Variants in PRC1 observed in about 807,000 individuals in gnomAD.
The protein encoded by PRC1 is protein regulator of cytokinesis 1, also known as anaphase spindle elongation 1 homolog.
Under a neutral mutation model 91.2 loss-of-function variants are expected in PRC1, and 54 were observed. The observed-to-expected ratio is 0.59, with a 90% confidence interval of 0.48 to 0.74. The LOEUF (loss-of-function observed/expected upper bound fraction) is 0.74. PRC1 is among the 30% of genes least tolerant of loss of function. PRC1 has a pLI of 0.00. For missense variants in PRC1, 727 were observed against 746.2 expected, an observed-to-expected ratio of 0.97 and a Z score of 0.30; for synonymous variants, 275 against 263.6, an observed-to-expected ratio of 1.04 and a Z score of -0.42.
chr15:90,986,056 G>GT (rs2039552652), intron 1 of PRC1: 1 of 152,202 alleles, frequency 6.6e-6, no homozygotes, highest in African/African-American at 2.4e-5. Context: ...TTAAGTGTTG[G>GT]TGAGTATATA....
At position 90,984,769 on chromosome 15, in the gene PRC1, C is replaced by T. The variant is rs139670079; in HGVS notation, c.68G>A (p.Arg23Gln). ...AATCCCAATTAGCTCCCATATTTCC[C>T]GAAGGTGATTTAGGGCTTTCTGCAG... ...VCLQKALNHL[R>Q]EIWELIGIPE... Residue 23 changes from arginine to glutamine, a missense_variant, in exon 2 of 15, where the codon CGG becomes CAG. Coordinates refer to ENST00000394249, the MANE Select transcript of PRC1 (RefSeq NM_003981.4). The surrounding 1 kb of genome is among the most constrained non-coding windows in gnomAD (Gnocchi z 5.1). The T allele has an allele frequency of 5.9e-5, 96 of 1,613,956 alleles. No homozygotes were observed. The highest frequency in any genetic ancestry group is 7.6e-5 in the Non-Finnish European group (90 of 1,180,036).
At chr15:90,991,439 T>C (rs1270371505) in intron 1 of PRC1, among the ~76,000 whole-genome samples, 1 of 151,242 alleles carries the variant, frequency 6.6e-6, no homozygotes, top group African/African-American at 2.4e-5. Context: ...AAAAAAGAAA[T>C]AAAAATTTTA....
intron 8 of PRC1, among the ~76,000 whole-genome samples, chr15:90,978,767 A>AAAAAG (rs2038949223): frequency 6.7e-6 from 1 of 149,620 alleles, no homozygotes; most frequent in South Asian, 2.1e-4. Context: ...AAAAAAAAAA[A>AAAAAG]AAAAAAAAAA....
In PRC1 at chr15:90,976,753, T is replaced by C. The variant is rs1420916014; in HGVS notation, c.1126A>G (p.Asn376Asp). 1 of 1,613,136 alleles carries C rather than the reference T, an allele frequency of 6.2e-7. No individual in the cohort carries two copies. The highest frequency in any genetic ancestry group is 1.3e-5 in the African/African-American group (1 of 74,914). Residue 376 changes from asparagine to aspartate, a missense_variant, in exon 9 of 15, where the codon AAT (asparagine) becomes GAT (aspartate). By Grantham distance (23) the Asn-to-Asp change is conservative. Transcript: ENST00000394249. ...LEFERKASDP[N>D]RFTNRGGNLL... ...TTTCCTCCTCGGTTTGTAAATCGAT[T>C]TGGATCTGAAGCTTTTCTCTGTGAA...
chr15:90,975,255 G>C (rs1012932881), intron 9 of PRC1, among the ~76,000 whole-genome samples: 14 of 152,072 alleles, frequency 9.2e-5, no homozygotes, highest in African/African-American at 3.1e-4. Flanking sequence ...ACAGGCATAC[G>C]CCACACCTGG....
At position 90,994,457 on chromosome 15, in the gene PRC1, T is replaced by G; in HGVS notation, c.-40A>C. ...GCAGCCGTGAGTCCAGGTCCAGACC[T>G]ACTCCACACGGCCCCGAGAGCAACA... On this transcript the variant is annotated 5_prime_UTR_variant, in exon 1 of 15. Coordinates refer to ENST00000394249, the MANE Select transcript of PRC1 (RefSeq NM_003981.4). 6.2e-7 allele frequency: 1 copy of G among 1,601,742 alleles called. No individual in the cohort carries two copies. Among genetic ancestry groups the G allele is most frequent in the Non-Finnish European group, 8.5e-7 (1 of 1,173,388 alleles).
intron 8 of PRC1, among the ~76,000 whole-genome samples, chr15:90,976,987 G>A (rs1012960535): frequency 1.6e-4 from 24 of 152,078 alleles, no homozygotes; most frequent in East Asian, 3.9e-4. Flanking sequence ...AAAAATTAGC[G>A]AGCATGACGG....
chr15:90,981,493 C>T lies in PRC1; in HGVS notation c.672+6G>A. The T allele has an allele frequency of 6.2e-7, 1 of 1,613,602 alleles. No homozygotes were observed. The highest frequency in any genetic ancestry group is 8.5e-7 in the Non-Finnish European group (1 of 1,180,008). ...GATCCTAGGGCATAATTTGAGAAGACAGTACCTGCCGTAGCAACTTTTGTA... is the reference window on the plus strand; with the variant it reads ...GATCCTAGGGCATAATTTGAGAAGATAGTACCTGCCGTAGCAACTTTTGTA... On this transcript the variant is annotated splice_donor_region_variant and intron_variant, in intron 5 of 14. Coordinates refer to ENST00000394249, the MANE Select transcript of PRC1 (RefSeq NM_003981.4).
In PRC1 at chr15:90,984,584, TG is replaced by T; in HGVS notation, c.144+108del. 1.4e-6 allele frequency: 2 copies of T among 1,459,064 alleles called. No individual in the cohort carries two copies. The highest frequency in any genetic ancestry group is 1.9e-6 in the Non-Finnish European group (2 of 1,079,774). 90.4% of individuals were successfully genotyped at this position (1,459,064 alleles called of 1,614,324 possible). ...CAAACCAAACCAAACAGGAAGAGCC[TG>T]TGCTATCCTAATGCCGATGATCACA... On this transcript the variant is annotated intron_variant, in intron 2 of 14. Coordinates refer to ENST00000394249, the MANE Select transcript of PRC1 (RefSeq NM_003981.4). The surrounding 1 kb of genome is among the most constrained non-coding windows in gnomAD (Gnocchi z 5.1).
chr15:90,970,308 C>A, intron 12 of PRC1, 96 bp downstream of exon 12: 2 of 907,886 alleles, frequency 2.2e-6, no homozygotes, highest in Non-Finnish European at 1.8e-6. Flanking sequence ...AGAACCAAAT[C>A]CAGGGATCTT....
intron 3 of PRC1, among the ~76,000 whole-genome samples, chr15:90,982,918 T>C (rs2039315335): frequency 6.6e-6 from 1 of 151,124 alleles, no homozygotes. Flanking sequence ...CCTAACTGGT[T>C]AACAAGAAAA....
Position 90,976,749 on chromosome 15 carries a change from C to A in PRC1, c.1130G>T (p.Arg377Leu). 2 of 1,613,188 alleles carry A rather than the reference C, an allele frequency of 1.2e-6. No individual in the cohort carries two copies. The highest frequency in any genetic ancestry group is 1.7e-6 in the Non-Finnish European group (2 of 1,179,366). The change falls in exon 9 of 15, where the codon CGA (arginine) becomes CTA (leucine). Residue 377 changes from arginine (R) to leucine (L), a missense_variant. Transcript: ENST00000394249. Reference sequence around the variant, plus strand: ...AAGATTTCCTCCTCGGTTTGTAAATCGATTTGGATCTGAAGCTTTTCTCTG... The same window carrying A: ...AAGATTTCCTCCTCGGTTTGTAAATAGATTTGGATCTGAAGCTTTTCTCTG... ...EFERKASDPN[R>L]FTNRGGNLLK...
At chr15:90,979,027 A>T in intron 8 of PRC1, 131 bp downstream of exon 8, 1 of 1,172,068 alleles carries the variant, frequency 8.5e-7, no homozygotes, top group Non-Finnish European at 1.2e-6. Context: ...AGAGGCGGTC[A>T]GCAGAAATTC....
chr15:90,975,254 C>T (rs561288040), intron 9 of PRC1, among the ~76,000 whole-genome samples: 1 of 152,246 alleles, frequency 6.6e-6, no homozygotes, highest in South Asian at 2.1e-4. Flanking sequence ...TACAGGCATA[C>T]GCCACACCTG....
At position 90,974,604 on chromosome 15, in the gene PRC1, T is replaced by G; in HGVS notation, c.1331A>C (p.Glu444Ala). The change falls in exon 10 of 15, where the codon GAG becomes GCG. Residue 444 changes from glutamate (E) to alanine (A), a missense_variant. Glu to Ala is a moderately radical substitution (Grantham distance 107). Transcript: ENST00000394249. This position sits in a 1 kb window ranked among gnomAD's most constrained non-coding sequence, Gnocchi z 4.6. The stretch of plus-strand genomic sequence containing the variant: ...ACTTACTCTTTCCTGCTTGGCTCTC[T>G]CTTTCTCCAATCGATGCATCTCCCA... ...EQWEMHRLEK[E>A]RAKQERQLKN... 6.2e-7 allele frequency: 1 copy of G among 1,614,244 alleles called. No individual in the cohort carries two copies.
intron 3 of PRC1, chr15:90,982,190 C>T: frequency 1.7e-6 from 1 of 585,306 alleles, no homozygotes; most frequent in Non-Finnish European, 3.0e-6. Flanking sequence ...CTTTTCCCCC[C>T]AATTTTAAAA....
chr15:90,967,928 T>C (rs939994976), intron 14 of PRC1: 3 of 985,470 alleles, frequency 3.0e-6, no homozygotes, highest in South Asian at 9.4e-5. Flanking sequence ...GGCCAGAACA[T>C]ATATCTACCA....
intron 12 of PRC1, among the ~76,000 whole-genome samples, chr15:90,969,851 G>C (rs547199361): frequency 3.3e-4 from 49 of 149,232 alleles, no homozygotes; most frequent in African/African-American, 1.1e-3. Flanking sequence ...GGGAGGCCAA[G>C]GCAGGAGGAT....
At position 90,966,413 on chromosome 15, in the gene PRC1, T is replaced by G; in HGVS notation, c.*718A>C. ...CTGGCAACTGCGGGGGTAGAAGAAC[T>G]CAGGCAAAGTAGGCACAGGAATGGG... On this transcript the variant is annotated 3_prime_UTR_variant, in exon 15 of 15. Coordinates refer to ENST00000394249, the MANE Select transcript of PRC1 (RefSeq NM_003981.4). 2.9e-6 allele frequency: 1 copy of G among 344,794 alleles called. No individual in the cohort carries two copies. Among genetic ancestry groups the G allele is most frequent in the Non-Finnish European group, 5.9e-6 (1 of 169,980 alleles). The allele number at this position is 344,794 out of a possible 1,614,324, so 21.4% of individuals were successfully genotyped here. A position where few individuals can be genotyped will look rare whatever the true frequency, so the allele number is the denominator to read the frequency against.
Sources: allele counts gnomAD v4.1 joint callset (sites outside exome capture counted in the v4.1 genomes callset), GRCh38; gene constraint gnomAD v4.1.1; non-coding constraint Gnocchi (gnomAD v3.1); transcripts MANE v1.5; gene names NCBI Gene and HGNC (gene_info 2026-07-23, HGNC 2026-07-21).